Variants in KREMEN2 observed in about 807,000 individuals in gnomAD.
KREMEN2 encodes the protein kremen protein 2.
In KREMEN2, 43 loss-of-function variants were observed where a neutral mutation model predicts 49.8. The ratio of observed to expected loss-of-function variants is 0.86; its 90% CI spans 0.68 to 1.11. The LOEUF is 1.11. Ranked by LOEUF, KREMEN2 falls within the 50% of genes most tolerant of loss-of-function variation. The pLI, the probability that KREMEN2 is intolerant of heterozygous loss-of-function variation, is 0.00. For synonymous variants in KREMEN2, 355 were observed against 304.9 expected (o/e 1.16, Z -1.71); for missense variants, 686 against 665.7 (o/e 1.03, Z -0.34).
intron 1 of KREMEN2, 99 bp from the exon 2 acceptor site, chr16:2,964,760 C>T (rs1369385094): frequency 1.4e-6 from 2 of 1,449,430 alleles, no homozygotes; most frequent in Non-Finnish European, 1.9e-6. Flanking sequence ...GGGGCGGGTG[C>T]GGGGTCGCTG....
Position 2,968,017 on chromosome 16 carries a change from C to G in KREMEN2, c.1386C>G (p.Leu462=). 6.4e-7 allele frequency: 1 copy of G among 1,555,574 alleles called. No homozygotes were observed. The change falls in exon 9 of 9, where the codon CTC becomes CTG. Residue 462 remains leucine, a synonymous_variant. Transcript: ENST00000303746. ...QSSLRSLISA[L] ...CCCTGCGCTCGCTCATCTCCGCTCT[C>G]TGACTCTGGGCCCCGAGGGTCCGCT...
intron 2 of KREMEN2, among the ~76,000 whole-genome samples, chr16:2,965,309 G>A (rs191047688): frequency 9.9e-5 from 15 of 152,112 alleles, no homozygotes; most frequent in Non-Finnish European, 1.9e-4. Context: ...CAAAGGACCC[G>A]TATGGGCGGG....
At chr16:2,964,719 G>C in intron 1 of KREMEN2, 105 bp downstream of exon 1, 1 of 1,383,860 alleles carries the variant, frequency 7.2e-7, no homozygotes, top group Non-Finnish European at 9.8e-7. Context: ...GCAGGTGGCC[G>C]GAGCAGCTGA....
rs2071881836 is a variant in KREMEN2 at position 2,968,262 on chromosome 16, G to A, written c.*242G>A. On this transcript the variant is annotated 3_prime_UTR_variant, in exon 9 of 9. Coordinates refer to ENST00000303746, the MANE Select transcript of KREMEN2 (RefSeq NM_172229.3). ...GTATGTGGGGGTGGTCTCTGGTTTC[G>A]GAGGTCTTTGAACCCCTCTGGGGGT... 1.8e-6 allele frequency: 2 copies of A among 1,130,212 alleles called. No homozygotes were observed. The highest frequency in any genetic ancestry group is 2.5e-6 in the Non-Finnish European group (2 of 788,472). 70.0% of individuals were successfully genotyped at this position (1,130,212 alleles called of 1,614,324 possible). A position where few individuals can be genotyped will look rare whatever the true frequency, so the allele number is the denominator to read the frequency against.
rs564792515 is a variant in KREMEN2 at position 2,965,129 on chromosome 16, C to G, written c.269+96C>G. On this transcript the variant is annotated intron_variant, in intron 2 of 8. Transcript: ENST00000303746. ...CCGTGCGGGCGGGGTGGAGGTCTGC[C>G]GTGGACTGGCAGCCCAGCCTCCTGG... The G allele has an allele frequency of 9.4e-4, 635 of 678,484 alleles. 6 individuals carry two copies. In the African/African-American group the frequency reaches 0.015, roughly 16 times the overall value. 42.0% of individuals were successfully genotyped at this position (678,484 alleles called of 1,614,324 possible).
In KREMEN2 at chr16:2,967,997, C is replaced by T. The variant is rs369237826; in HGVS notation, c.1366C>T (p.Arg456Cys). ...GAGTGCCTCCAGCCAGAGCTCCCTG[C>T]GCTCGCTCATCTCCGCTCTCTGACT... is the stretch of plus-strand genomic sequence containing the variant. ...PLSASSQSSLRSLISAL is the reference protein window; with the variant it reads ...PLSASSQSSLCSLISAL The change falls in exon 9 of 9, where the codon CGC (arginine) becomes TGC (cysteine). Residue 456 changes from arginine (R) to cysteine (C), a missense_variant. Coordinates refer to ENST00000303746, the MANE Select transcript of KREMEN2 (RefSeq NM_172229.3). 4.5e-6 allele frequency: 7 copies of T among 1,570,832 alleles called. No individual in the cohort carries two copies. The African/African-American group carries it at 6.7e-5, about 15-fold the overall frequency.
At chr16:2,965,081 A>C (rs1162200251) in intron 2 of KREMEN2, 48 bp downstream of exon 2, 22 of 1,355,556 alleles carry the variant, frequency 1.6e-5, no homozygotes, top group Non-Finnish European at 2.0e-5. Context: ...TCACCATTGC[A>C]GGGATGGCCC....
chr16:2,965,277 G>C (rs2071796731), intron 2 of KREMEN2, among the ~76,000 whole-genome samples: 2 of 152,162 alleles, frequency 1.3e-5, no homozygotes, highest in African/African-American at 2.4e-5. Context: ...TCAGGGCCAG[G>C]AGAGAAACGG....
chr16:2,968,369 T>C lies in KREMEN2; in HGVS notation c.*349T>C, dbSNP rs1379516121. 1 of 1,535,420 alleles carries C rather than the reference T, an allele frequency of 6.5e-7. No individual in the cohort carries two copies. The highest frequency in any genetic ancestry group is 1.4e-5 in the African/African-American group (1 of 73,036). ...ACCCCCACAGATTTTGAATAAAGGA[T>C]CTACTTTGGTACGGGCCTCGAAAGT... On this transcript the variant is annotated 3_prime_UTR_variant, in exon 9 of 9. Coordinates refer to ENST00000303746, the MANE Select transcript of KREMEN2 (RefSeq NM_172229.3).
At chr16:2,967,468 G>C in intron 7 of KREMEN2, 23 bp downstream of exon 7, 1 of 1,460,814 alleles carries the variant, frequency 6.8e-7, no homozygotes, top group Non-Finnish European at 9.0e-7. Context: ...CGCGGGACGG[G>C]AGTGAGTCAG....
Position 2,968,348 on chromosome 16 carries a change from C to A in KREMEN2, c.*328C>A. On this transcript the variant is annotated 3_prime_UTR_variant, in exon 9 of 9. Transcript: ENST00000303746. ...GTCAGCAAAAACAGTCAAAAAACCC[C>A]CACAGATTTTGAATAAAGGATCTAC... 1 of 1,535,270 alleles carries A rather than the reference C, an allele frequency of 6.5e-7. No individual in the cohort carries two copies.
chr16:2,967,193 C>T lies in KREMEN2; in HGVS notation c.924C>T (p.Phe308=). 7.3e-7 allele frequency: 1 copy of T among 1,361,652 alleles called. No homozygotes were observed. The highest frequency in any genetic ancestry group is 1.8e-5 in the South Asian group (1 of 55,726). 84.3% of individuals were successfully genotyped at this position (1,361,652 alleles called of 1,614,324 possible). The change falls in exon 6 of 9, where the codon TTC becomes TTT. Residue 308 remains phenylalanine (F), a synonymous_variant. Coordinates refer to ENST00000303746, the MANE Select transcript of KREMEN2 (RefSeq NM_172229.3). The part of the protein sequence containing the change: ...RLGTAALLLT[F]RSDARGHAQG... ...GCACTGCCGCGCTGCTGCTCACCTT[C>T]CGAAGCGACGCGCGCGGCCACGCGC...
Position 2,968,199 on chromosome 16 carries a change from G to A in KREMEN2, c.*179G>A, listed in dbSNP as rs990243978. ...CTATTATCTGGGACTTGGCCTGACC[G>A]TGGGGGTCCAGATGGTCCAGGCCCT... is the stretch of plus-strand genomic sequence containing the variant. On this transcript the variant is annotated 3_prime_UTR_variant, in exon 9 of 9. Transcript: ENST00000303746. The A allele has an allele frequency of 2.2e-6, 2 of 905,230 alleles. No individual in the cohort carries two copies. The highest frequency in any genetic ancestry group is 1.7e-5 in the African/African-American group (1 of 60,580). The allele number at this position is 905,230 out of a possible 1,614,324, so 56.1% of individuals were successfully genotyped here.
chr16:2,965,827 G>A (rs2071806507), intron 2 of KREMEN2, among the ~76,000 whole-genome samples: 2 of 151,832 alleles, frequency 1.3e-5, no homozygotes, highest in Admixed American at 6.5e-5. Context: ...CCCATGCCGG[G>A]TGGGGGTGAA....
At position 2,968,316 on chromosome 16, in the gene KREMEN2, G is replaced by T; in HGVS notation, c.*296G>T. The T allele has an allele frequency of 6.6e-7, 1 of 1,512,590 alleles. No individual in the cohort carries two copies. Among genetic ancestry groups the T allele is most frequent in the Non-Finnish European group, 8.9e-7 (1 of 1,125,970 alleles). 93.7% of individuals were successfully genotyped at this position (1,512,590 alleles called of 1,614,324 possible). On this transcript the variant is annotated 3_prime_UTR_variant, in exon 9 of 9. Coordinates refer to ENST00000303746, the MANE Select transcript of KREMEN2 (RefSeq NM_172229.3). ...CCTGGACTGCCGTCCTCAGTGAGAGGTCACAGGTCAGCAAAAACAGTCAAA... is the reference window on the plus strand; with the variant it reads ...CCTGGACTGCCGTCCTCAGTGAGAGTTCACAGGTCAGCAAAAACAGTCAAA...
At position 2,964,501 on chromosome 16, in the gene KREMEN2, C is replaced by G; in HGVS notation, c.-20C>G. ...CCGGGCCGTGTCCGGGCGAGGGTGACCTATCCTTGGTTGAGAGCGATGGGG... is the reference window on the plus strand; with the variant it reads ...CCGGGCCGTGTCCGGGCGAGGGTGAGCTATCCTTGGTTGAGAGCGATGGGG... On this transcript the variant is annotated 5_prime_UTR_variant, in exon 1 of 9. Transcript: ENST00000303746. 1 of 1,533,532 alleles carries G rather than the reference C, an allele frequency of 6.5e-7. No individual in the cohort carries two copies. The highest frequency in any genetic ancestry group is 8.8e-7 in the Non-Finnish European group (1 of 1,139,932). The allele number at this position is 1,533,532 out of a possible 1,614,324, so 95.0% of individuals were successfully genotyped here. A position where few individuals can be genotyped will look rare whatever the true frequency, so the allele number is the denominator to read the frequency against.
rs1156722569 is a variant in KREMEN2 at position 2,964,589 on chromosome 16, C to T, written c.69C>T (p.Ala23=). 1 of 1,608,266 alleles carries T rather than the reference C, an allele frequency of 6.2e-7. No individual in the cohort carries two copies. The change falls in exon 1 of 9, where the codon GCC becomes GCT. Residue 23 remains alanine, a synonymous_variant. Coordinates refer to ENST00000303746, the MANE Select transcript of KREMEN2 (RefSeq NM_172229.3). ...LFLPLLQPRG[A]SAGSLHSPGL... ...TCCCGCTGCTGCAGCCGCGTGGGGC[C>T]TCGGCTGGGAGCCTGCACAGTCCAG...
At chr16:2,965,141 G>T in intron 2 of KREMEN2, 108 bp downstream of exon 2, 1 of 455,358 alleles carries the variant, frequency 2.2e-6, no homozygotes, top group East Asian at 2.1e-4. Flanking sequence ...TGGACTGGCA[G>T]CCCAGCCTCC....
chr16:2,968,324 T>C lies in KREMEN2; in HGVS notation c.*304T>C. 1 of 1,527,304 alleles carries C rather than the reference T, an allele frequency of 6.5e-7. No individual in the cohort carries two copies. The highest frequency in any genetic ancestry group is 8.8e-7 in the Non-Finnish European group (1 of 1,139,374). 94.6% of individuals were successfully genotyped at this position (1,527,304 alleles called of 1,614,324 possible). A position where few individuals can be genotyped will look rare whatever the true frequency, so the allele number is the denominator to read the frequency against. ...GCCGTCCTCAGTGAGAGGTCACAGG[T>C]CAGCAAAAACAGTCAAAAAACCCCC... On this transcript the variant is annotated 3_prime_UTR_variant, in exon 9 of 9. Transcript: ENST00000303746.
Sources: gnomAD v4.1 joint callset for allele counts (sites outside exome capture counted in the v4.1 genomes callset) on GRCh38, gnomAD v4.1.1 for gene constraint, MANE v1.5 for transcripts, NCBI Gene and HGNC (gene_info 2026-07-23, HGNC 2026-07-21) for gene names.